The following DIDO1 variants were observed in gnomAD, a reference collection of about 807,000 sequenced individuals.
DIDO1 encodes the protein death inducer-obliterator 1.
A neutral mutation model predicts 99.4 loss-of-function variants in DIDO1; 16 were observed. That is an observed-to-expected ratio of 0.16 (90% CI 0.11 to 0.24). The LOEUF (loss-of-function observed/expected upper bound fraction) is 0.24. Among genes scored for constraint, DIDO1 ranks in the 10% least tolerant of loss-of-function variants. The pLI is 1.00. For synonymous variants in DIDO1, 1,366 were observed against 1,239.1 expected (o/e 1.10, Z -2.15); for missense variants, 2,996 against 3,014.0 (o/e 0.99, Z 0.14).
At chr20:62,922,558 C>T (rs577886277) in intron 1 of DIDO1, among the ~76,000 whole-genome samples, 30 of 152,186 alleles carry the variant, frequency 2.0e-4, no homozygotes, top group African/African-American at 7.0e-4. Flanking sequence ...GCGGGGGCCA[C>T]AGGGTATCAG....
chr20:62,913,618 T>C (rs1352188212), intron 2 of DIDO1, among the ~76,000 whole-genome samples: 4 of 152,392 alleles, frequency 2.6e-5, no homozygotes, highest in East Asian at 1.9e-4. Flanking sequence ...GAAATATGAC[T>C]GTCATCTCAA....
Position 62,912,981 on chromosome 20 carries a change from G to A in DIDO1, c.-3+1229C>T, listed in dbSNP as rs1324022052. On this transcript the variant is annotated intron_variant, in intron 2 of 15. Transcript: ENST00000395343. ...CAGGAGGTGGAGGTTGCAGTAAGCC[G>A]AGATCGCACCACTGCACTCCAGCCT... Among the ~76,000 whole-genome samples the A allele has an allele frequency of 2.6e-5, 4 of 152,132 alleles. No homozygotes were observed. The South Asian group carries it at 6.2e-4, about 24-fold the overall frequency.
intron 1 of DIDO1, among the ~76,000 whole-genome samples, 183 bp from the exon 2 acceptor site, chr20:62,914,589 C>G (rs944777430): frequency 2.0e-5 from 3 of 152,162 alleles, no homozygotes; most frequent in African/African-American, 7.2e-5. Flanking sequence ...CTACCCAGGA[C>G]AGCAGATGCT....
In DIDO1 at chr20:62,879,777, T is replaced by C; in HGVS notation, c.6179A>G (p.Glu2060Gly). 7 of 1,611,668 alleles carry C rather than the reference T, an allele frequency of 4.3e-6. No homozygotes were observed. The highest frequency in any genetic ancestry group is 5.9e-6 in the Non-Finnish European group (7 of 1,179,784). The change falls in exon 16 of 16, where the codon GAG becomes GGG. Residue 2060 changes from glutamate (E) to glycine (G), a missense_variant. This residue lies in a region of DIDO1 where 1,562 missense variants were observed against 1,412.6 expected (regional missense o/e 1.11). Coordinates refer to ENST00000395343, the MANE Select transcript of DIDO1 (RefSeq NM_001193369.2). The surrounding 1 kb of genome is among the most constrained non-coding windows in gnomAD (Gnocchi z 6.3). Reference sequence around the variant, plus strand: ...GGCCGATGCCCACTGTCCGTCGGCCTCGGGGCCCTGTCCGGGCGCACTGGA... The same window carrying C: ...GGCCGATGCCCACTGTCCGTCGGCCCCGGGGCCCTGTCCGGGCGCACTGGA... The part of the protein sequence containing the change: ...LSSSAPGQGP[E>G]ADGQWASADF...
chr20:62,910,252 A>G (rs1000779510), intron 3 of DIDO1, among the ~76,000 whole-genome samples: 4 of 152,192 alleles, frequency 2.6e-5, no homozygotes, highest in African/African-American at 9.7e-5. Flanking sequence ...TCCACCACAG[A>G]TACCTCAGCA....
intron 4 of DIDO1, 94 bp from the exon 5 acceptor site, chr20:62,907,453 G>A: frequency 1.7e-6 from 2 of 1,203,986 alleles, no homozygotes; most frequent in Non-Finnish European, 2.4e-6. Context: ...TAGTACCAAG[G>A]CCACAGTTTC....
At chr20:62,905,742 G>A in intron 6 of DIDO1, 145 bp downstream of exon 6, 1 of 1,606,942 alleles carries the variant, frequency 6.2e-7, no homozygotes. Flanking sequence ...CCTGGACATG[G>A]GCTCTGCTTC....
chr20:62,908,038 G>A (rs1299366473), intron 4 of DIDO1, among the ~76,000 whole-genome samples: 1 of 151,940 alleles, frequency 6.6e-6, no homozygotes, highest in Non-Finnish European at 1.5e-5. Context: ...GGAGAGCAGT[G>A]GCACAATCAT....
intron 15 of DIDO1, chr20:62,889,284 C>T (rs2064351346): frequency 1.0e-6 from 1 of 985,606 alleles, no homozygotes; most frequent in Non-Finnish European, 1.2e-6. Flanking sequence ...GGCGCCGCTC[C>T]TCTGGTGGCC....
chr20:62,892,680 T>C, intron 13 of DIDO1, 129 bp downstream of exon 13: 1 of 1,275,118 alleles, frequency 7.8e-7, no homozygotes, highest in Non-Finnish European at 1.1e-6. Flanking sequence ...GACAGACGGT[T>C]GCAAGAGTGT....
intron 15 of DIDO1, chr20:62,890,406 CTT>C: frequency 1.0e-6 from 1 of 989,086 alleles, no homozygotes; most frequent in African/African-American, 1.7e-5. Context: ...AAATACAGTA[CTT>C]TCCAAGGAAC....
chr20:62,913,846 TAA>T lies in DIDO1; in HGVS notation c.-3+362_-3+363del, dbSNP rs772285237. On this transcript the variant is annotated intron_variant, in intron 2 of 15. Transcript: ENST00000395343. Reference sequence around the variant, plus strand: ...CTAGTTTATAAAACTGGGTTCTCATTAAAGAGAGAACAGGCTATTTGCACATG... The same window carrying T: ...CTAGTTTATAAAACTGGGTTCTCATTAGAGAGAACAGGCTATTTGCACATG... Among the ~76,000 whole-genome samples, 8 of 152,358 alleles carry T rather than the reference TAA, an allele frequency of 5.3e-5. 1 individual carries two copies. Among genetic ancestry groups the T allele is most frequent in the Admixed American group, 2.6e-4 (4 of 15,306 alleles).
At position 62,896,115 on chromosome 20, in the gene DIDO1, G is replaced by A. The variant is rs1370693575; in HGVS notation, c.2214+118C>T. Reference sequence around the variant, plus strand: ...TGGGCGGCAGAAGGATCACAGAGGAGAAAGAAACGTCTTAGCTTTCCTGGA... The same window carrying A: ...TGGGCGGCAGAAGGATCACAGAGGAAAAAGAAACGTCTTAGCTTTCCTGGA... On this transcript the variant is annotated intron_variant, in intron 8 of 15. Coordinates refer to ENST00000395343, the MANE Select transcript of DIDO1 (RefSeq NM_001193369.2). This position sits in a 1 kb window ranked among gnomAD's most constrained non-coding sequence, Gnocchi z 4.4. 6.1e-6 allele frequency: 7 copies of A among 1,139,810 alleles called. No homozygotes were observed. The South Asian group carries it at 8.0e-5, about 13-fold the overall frequency. The allele number at this position is 1,139,810 out of a possible 1,614,324, so 70.6% of individuals were successfully genotyped here.
In DIDO1 at chr20:62,881,872, G is replaced by A; in HGVS notation, c.4084C>T (p.Pro1362Ser). 1 of 1,613,530 alleles carries A rather than the reference G, an allele frequency of 6.2e-7. No individual in the cohort carries two copies. The highest frequency in any genetic ancestry group is 1.6e-4 in the Middle Eastern group (1 of 6,062). Residue 1362 changes from proline (P) to serine (S), a missense_variant, in exon 16 of 16, where the codon CCG (proline) becomes TCG (serine). Pro to Ser is a moderately conservative substitution (Grantham distance 74). This residue lies in a region of DIDO1 where 1,562 missense variants were observed against 1,412.6 expected (regional missense o/e 1.11). Coordinates refer to ENST00000395343, the MANE Select transcript of DIDO1 (RefSeq NM_001193369.2). The surrounding 1 kb of genome is among the most constrained non-coding windows in gnomAD (Gnocchi z 8.3). The stretch of plus-strand genomic sequence containing the variant: ...AACTGACCGAACTGCTGGACGATCG[G>A]ATCTAACAACGGAGGTGCCGGCACC... ...DGVPAPPLLD[P>S]IVQQFGQFSK... is the part of the protein sequence containing the mutation.
Position 62,910,862 on chromosome 20 carries a change from GCTC to G in DIDO1, c.748_750del (p.Glu250del), listed in dbSNP as rs745685891. 116 of 1,613,936 alleles carry G rather than the reference GCTC, an allele frequency of 7.2e-5. No homozygotes were observed. Among genetic ancestry groups the G allele is most frequent in the Middle Eastern group, 1.6e-4 (1 of 6,082 alleles). On this transcript the variant is annotated inframe_deletion, in exon 3 of 16. Coordinates refer to ENST00000395343, the MANE Select transcript of DIDO1 (RefSeq NM_001193369.2). ...GGCTTCGGTCGGCCCAAGTCTCCAGGCTCCTCATCTTTGATGTCCTGAGCCGCC... is the reference window on the plus strand; with the variant it reads ...GGCTTCGGTCGGCCCAAGTCTCCAGGCTCATCTTTGATGTCCTGAGCCGCC...
In DIDO1 at chr20:62,894,296, T is replaced by C. The variant is rs1600939783; in HGVS notation, c.2573-102A>G. On this transcript the variant is annotated intron_variant, in intron 11 of 15. Transcript: ENST00000395343. This position sits in a 1 kb window ranked among gnomAD's most constrained non-coding sequence, Gnocchi z 4.4. ...ACTCTAAAGGCAGGGCAGGAAATCA[T>C]TCTGGCCCTTCTGCGTGTTTAAGCT... is the stretch of plus-strand genomic sequence containing the variant. 2.5e-6 allele frequency: 4 copies of C among 1,572,012 alleles called. No homozygotes were observed. In the East Asian group the frequency reaches 9.0e-5, roughly 35 times the overall value.
chr20:62,929,758 GTTTT>G (rs35776708), upstream of DIDO1, among the ~76,000 whole-genome samples: 6 of 126,052 alleles, frequency 4.8e-5, no homozygotes, highest in Non-Finnish European at 8.1e-5. Flanking sequence ...CCACTGTTTT[GTTTT>G]TTTTTTTTGA....
chr20:62,889,261 T>C (rs1195573907), intron 15 of DIDO1: 2 of 985,312 alleles, frequency 2.0e-6, no homozygotes, highest in South Asian at 4.7e-5. Context: ...GCCCTTGCTG[T>C]GGGGAGAATG....
At chr20:62,897,233 TTCTA>T (rs773150419) in intron 6 of DIDO1, among the ~76,000 whole-genome samples, 8 of 152,250 alleles carry the variant, frequency 5.3e-5, no homozygotes, top group African/African-American at 9.6e-5. Context: ...TGCTTTATTA[TTCTA>T]TCTTTTACCT....
Sources: allele counts gnomAD v4.1 joint callset (sites outside exome capture counted in the v4.1 genomes callset), GRCh38; gene constraint gnomAD v4.1.1; regional missense constraint gnomAD v4.1.1; non-coding constraint Gnocchi (gnomAD v3.1); transcripts MANE v1.5; gene names NCBI Gene and HGNC (gene_info 2026-07-23, HGNC 2026-07-21).